ABCC9: variants seen among roughly 807,000 people sequenced by gnomAD.
The protein encoded by ABCC9 is ATP-binding cassette sub-family C member 9.
Under a neutral mutation model 188.3 loss-of-function variants are expected in ABCC9, and 95 were observed. The ratio of observed to expected loss-of-function variants is 0.50; its 90% CI spans 0.43 to 0.60. ABCC9 has a LOEUF of 0.60. ABCC9 is among the 20% of genes least tolerant of loss of function. ABCC9 has a pLI of 0.00. For missense variants in ABCC9, 1,102 were observed against 1,876.3 expected (o/e 0.59, Z 7.62); for synonymous variants, 659 against 652.7 (o/e 1.01, Z -0.15).
At position 21,894,133 on chromosome 12, in the gene ABCC9, T is replaced by G; in HGVS notation, c.1701A>C (p.Lys567Asn). The G allele has an allele frequency of 6.2e-7, 1 of 1,613,996 alleles. No homozygotes were observed. Among genetic ancestry groups the G allele is most frequent in the African/African-American group, 1.3e-5 (1 of 75,002 alleles). ...THAYASGNNL[K>N]PAEAFASLSL... ...ACAGTGAAGCAAAGGCCTCTGCAGGTTTCAGATTGTTTCCACTGGCATACG... is the reference window on the plus strand; with the variant it reads ...ACAGTGAAGCAAAGGCCTCTGCAGGGTTCAGATTGTTTCCACTGGCATACG... The change falls in exon 14 of 40, where the codon AAA (lysine) becomes AAC (asparagine). Residue 567 changes from lysine to asparagine, a missense_variant. Transcript: ENST00000261200.
At chr12:21,808,778 C>CACA (rs1942029697) in intron 37 of ABCC9, among the ~76,000 whole-genome samples, 1 of 80,508 alleles carries the variant, frequency 1.2e-5, no homozygotes. Context: ...GAACTTGTCT[C>CACA]AAAAAAAAAA....
chr12:21,929,492 T>G (rs1949187976), intron 4 of ABCC9, among the ~76,000 whole-genome samples: 1 of 152,030 alleles, frequency 6.6e-6, no homozygotes, highest in Admixed American at 6.5e-5. Flanking sequence ...TCAAATATTC[T>G]ATTAGGAAAG....
intron 18 of ABCC9, among the ~76,000 whole-genome samples, chr12:21,872,165 G>A (rs1946116082): frequency 6.6e-6 from 1 of 152,058 alleles, no homozygotes; most frequent in Non-Finnish European, 1.5e-5. Context: ...TCTAGTTTAA[G>A]TATAAGGATA....
intron 22 of ABCC9, among the ~76,000 whole-genome samples, chr12:21,857,072 T>G (rs1238887501): frequency 6.6e-6 from 1 of 152,206 alleles, no homozygotes; most frequent in Non-Finnish European, 1.5e-5. Flanking sequence ...TTTGAGGAAT[T>G]TTTAAAACAC....
chr12:21,901,375 G>T (rs1202328171), intron 12 of ABCC9, among the ~76,000 whole-genome samples: 3 of 152,106 alleles, frequency 2.0e-5, no homozygotes, highest in African/African-American at 7.2e-5. Context: ...GCCCATCGAT[G>T]CTAGGAAGAA....
chr12:21,913,523 G>A (rs1948415225), intron 7 of ABCC9, among the ~76,000 whole-genome samples: 1 of 152,150 alleles, frequency 6.6e-6, no homozygotes, highest in Non-Finnish European at 1.5e-5. Flanking sequence ...CCACAGGTTT[G>A]CCTATCCAAT....
At chr12:21,842,784 A>G (rs145546732) in intron 28 of ABCC9, among the ~76,000 whole-genome samples, 1 of 152,320 alleles carries the variant, frequency 6.6e-6, no homozygotes, top group African/African-American at 2.4e-5. Context: ...AAATCTTCCC[A>G]TGGCAGTGCA....
At chr12:21,929,405 CA>C (rs1949184353) in intron 4 of ABCC9, among the ~76,000 whole-genome samples, 1 of 151,434 alleles carries the variant, frequency 6.6e-6, no homozygotes, top group South Asian at 2.1e-4. Flanking sequence ...AAAAGGAGAA[CA>C]AAAACTAATG....
intron 5 of ABCC9, among the ~76,000 whole-genome samples, chr12:21,918,584 C>T (rs1409169788): frequency 6.6e-6 from 1 of 152,096 alleles, no homozygotes; most frequent in Non-Finnish European, 1.5e-5. Flanking sequence ...ACAAACTGAG[C>T]AGCTTAAAAC....
At chr12:21,935,414 G>T (rs2138070486) in intron 3 of ABCC9, among the ~76,000 whole-genome samples, 2 of 152,202 alleles carry the variant, frequency 1.3e-5, no homozygotes, top group East Asian at 3.9e-4. Flanking sequence ...TATACCATAT[G>T]ATGAGTTCTT....
At chr12:21,936,357 A>G (rs1337541060) in intron 3 of ABCC9, among the ~76,000 whole-genome samples, 176 bp downstream of exon 3, 2 of 152,156 alleles carry the variant, frequency 1.3e-5, no homozygotes, top group South Asian at 2.1e-4. Context: ...AATTTCACCT[A>G]CGGAAGATCA....
intron 4 of ABCC9, among the ~76,000 whole-genome samples, chr12:21,928,339 G>GGAAGGAAGGAA (rs1259935175): frequency 7.6e-6 from 1 of 132,288 alleles, no homozygotes; most frequent in African/African-American, 2.9e-5. Flanking sequence ...AAGGAAGGAA[G>GGAAGGAAGGAA]GGAAGAAAAA....
intron 5 of ABCC9, among the ~76,000 whole-genome samples, chr12:21,922,147 T>G (rs950305275): frequency 1.3e-5 from 2 of 152,040 alleles, no homozygotes; most frequent in African/African-American, 4.8e-5. Context: ...ATCTGTAGAT[T>G]GCTTTGAGTA....
Position 21,815,846 on chromosome 12 carries a change from T to C in ABCC9, c.3940A>G (p.Ile1314Val), listed in dbSNP as rs149077049. Reference sequence around the variant, plus strand: ...TCATATCTGACACACAGATCATGTATCTTGATCTCCCCTTCTTGTGGCCAA... The same window carrying C: ...TCATATCTGACACACAGATCATGTACCTTGATCTCCCCTTCTTGTGGCCAA... ...EHWPQEGEIK[I>V]HDLCVRYENN... Residue 1314 changes from isoleucine (I) to valine (V), a missense_variant, in exon 34 of 40, where the codon ATA (isoleucine) becomes GTA (valine). Transcript: ENST00000261200. 3 of 1,613,082 alleles carry C rather than the reference T, an allele frequency of 1.9e-6. No homozygotes were observed. The highest frequency in any genetic ancestry group is 2.7e-5 in the African/African-American group (2 of 74,956).
rs569948255 is a variant in ABCC9, at chr12:21,830,924, G to C, written c.3567-1864C>G. On this transcript the variant is annotated intron_variant, in intron 30 of 39. Coordinates refer to ENST00000261200, the MANE Select transcript of ABCC9 (RefSeq NM_020297.4). ...AGAACAACTGAAGGGTAGGGGGGATGTTCAAAGGGTTATAGGATTTACTGA... is the reference window on the plus strand; with the variant it reads ...AGAACAACTGAAGGGTAGGGGGGATCTTCAAAGGGTTATAGGATTTACTGA... 3.7e-4 allele frequency among the ~76,000 whole-genome samples: 57 copies of C among 152,178 alleles called. 1 individual carries two copies. Among genetic ancestry groups the C allele is most frequent in the African/African-American group, 1.3e-3 (54 of 41,516 alleles).
Position 21,801,023 on chromosome 12 carries a change from G to A in ABCC9, c.*21C>T. 5 of 1,613,238 alleles carry A rather than the reference G, an allele frequency of 3.1e-6. No individual in the cohort carries two copies. Among genetic ancestry groups the A allele is most frequent in the Non-Finnish European group, 4.2e-6 (5 of 1,179,688 alleles). ...TATGACTGCATTATTTTAAATACAT[G>A]TATTGTTTTAAGACACTCCTTCACA... On this transcript the variant is annotated 3_prime_UTR_variant, in exon 40 of 40. Transcript: ENST00000261200.
intron 15 of ABCC9, among the ~76,000 whole-genome samples, chr12:21,884,879 T>C (rs1380541229): frequency 6.6e-6 from 1 of 152,050 alleles, no homozygotes; most frequent in East Asian, 1.9e-4. Context: ...GCATGAGAGG[T>C]TGTAGAAAGC....
At position 21,910,259 on chromosome 12, in the gene ABCC9, C is replaced by A; in HGVS notation, c.1218G>T (p.Gly406=). 6.2e-7 allele frequency: 1 copy of A among 1,611,116 alleles called. No homozygotes were observed. The highest frequency in any genetic ancestry group is 8.5e-7 in the Non-Finnish European group (1 of 1,178,396). ...LRLSTSNLSM[G]EMTLGQINNL... Reference sequence around the variant, plus strand: ...TGTTGATCTGCCCCAGAGTCATCTCCCCCATGGATAAGTTAGACGTAGAGA... The same window carrying A: ...TGTTGATCTGCCCCAGAGTCATCTCACCCATGGATAAGTTAGACGTAGAGA... Residue 406 remains glycine (G), a synonymous_variant, in exon 10 of 40, where the codon GGG becomes GGT. Transcript: ENST00000261200.
intron 18 of ABCC9, among the ~76,000 whole-genome samples, chr12:21,867,943 T>A (rs1023066127): frequency 2.0e-5 from 3 of 152,206 alleles, no homozygotes; most frequent in Non-Finnish European, 4.4e-5. Flanking sequence ...GGCATTTTAG[T>A]TCTAGCTCCT....
Sources: gnomAD v4.1 joint callset for allele counts (sites outside exome capture counted in the v4.1 genomes callset) on GRCh38, gnomAD v4.1.1 for gene constraint, MANE v1.5 for transcripts, NCBI Gene and HGNC (gene_info 2026-07-23, HGNC 2026-07-21) for gene names.